The following TNR variants were observed in gnomAD, a reference collection of about 807,000 sequenced individuals.
TNR encodes tenascin-R.
TNR carries 45 observed loss-of-function variants against 150.4 expected under a neutral mutation model. That is an observed-to-expected ratio of 0.30 (90% CI 0.24 to 0.38). TNR has a LOEUF of 0.38. TNR is among the 10% of genes least tolerant of loss of function. TNR has a pLI of 1.00. For missense variants in TNR, 1,544 were observed against 1,759.1 expected (o/e 0.88, Z 2.19); for synonymous variants, 687 against 678.4 (o/e 1.01, Z -0.20).
At chr1:175,554,704 C>G (rs913356619) in intron 1 of TNR, among the ~76,000 whole-genome samples, 1 of 152,190 alleles carries the variant, frequency 6.6e-6, no homozygotes, top group East Asian at 1.9e-4. Flanking sequence ...ATTTCTCCAG[C>G]CCCCACCCCT....
intron 1 of TNR, among the ~76,000 whole-genome samples, chr1:175,733,092 C>A (rs1031100414): frequency 1.3e-5 from 2 of 152,186 alleles, no homozygotes; most frequent in African/African-American, 4.8e-5. Flanking sequence ...GAGTGAGATG[C>A]AAAACGTTAG....
At chr1:175,437,555 C>T (rs1015021759) in intron 2 of TNR, among the ~76,000 whole-genome samples, 1 of 151,996 alleles carries the variant, frequency 6.6e-6, no homozygotes. Flanking sequence ...AACAGAGACA[C>T]AAAAAACCCT....
intron 2 of TNR, among the ~76,000 whole-genome samples, chr1:175,444,035 TG>T (rs1190718784): frequency 6.6e-6 from 1 of 152,126 alleles, no homozygotes; most frequent in Non-Finnish European, 1.5e-5. Flanking sequence ...GCCATGGACT[TG>T]GGGGGTGGTC....
chr1:175,515,607 G>C (rs1659371889), intron 2 of TNR, among the ~76,000 whole-genome samples: 1 of 152,154 alleles, frequency 6.6e-6, no homozygotes, highest in South Asian at 2.1e-4. Flanking sequence ...AAGAGATGAG[G>C]CTGGAAAGAC....
chr1:175,432,044 G>A lies in TNR; in HGVS notation c.-63-25267C>T, dbSNP rs576543524. Among the ~76,000 whole-genome samples the A allele has an allele frequency of 3.3e-5, 5 of 151,980 alleles. No individual in the cohort carries two copies. In the East Asian group the frequency reaches 7.8e-4, roughly 24 times the overall value. On this transcript the variant is annotated intron_variant, in intron 2 of 22. Coordinates refer to ENST00000367674, the MANE Select transcript of TNR (RefSeq NM_003285.3). ...CAAGATATAAGAAGGCATCATGCGT[G>A]AGCCTCTGCCTGTGGGGAGGGGGCC... is the stretch of plus-strand genomic sequence containing the variant.
chr1:175,331,055 T>TTTCTTTCTTTCTTTCCTTC (rs1649793569), intron 20 of TNR, among the ~76,000 whole-genome samples: 2 of 117,256 alleles, frequency 1.7e-5, no homozygotes, highest in African/African-American at 6.6e-5. Flanking sequence ...CTTTCTTTCT[T>TTTCTTTCTTTCTTTCCTTC]TCTTTCTTTC....
chr1:175,522,390 T>A (rs1659672274), intron 2 of TNR, among the ~76,000 whole-genome samples: 1 of 152,166 alleles, frequency 6.6e-6, no homozygotes, highest in South Asian at 2.1e-4. Context: ...CAATGGACTT[T>A]GGACACTCAG....
At chr1:175,495,280 C>A (rs1190151983) in intron 2 of TNR, among the ~76,000 whole-genome samples, 3 of 152,176 alleles carry the variant, frequency 2.0e-5, no homozygotes, top group African/African-American at 7.2e-5. Flanking sequence ...GACAACACCT[C>A]ACAGATGTTG....
chr1:175,335,692 A>T lies in TNR; in HGVS notation c.3631+19T>A. Reference sequence around the variant, plus strand: ...AAGCCAGAGAAGCACATCAATGGAAAGCAATAAGGAGGCTTTACCCAGCCA... The same window carrying T: ...AAGCCAGAGAAGCACATCAATGGAATGCAATAAGGAGGCTTTACCCAGCCA... On this transcript the variant is annotated intron_variant, in intron 20 of 22. Coordinates refer to ENST00000367674, the MANE Select transcript of TNR (RefSeq NM_003285.3). The T allele has an allele frequency of 6.2e-7, 1 of 1,605,706 alleles. No individual in the cohort carries two copies. Among genetic ancestry groups the T allele is most frequent in the Non-Finnish European group, 8.5e-7 (1 of 1,176,074 alleles).
chr1:175,468,996 G>A (rs1349705274), intron 2 of TNR, among the ~76,000 whole-genome samples: 1 of 152,160 alleles, frequency 6.6e-6, no homozygotes, highest in African/African-American at 2.4e-5. Context: ...TATTTAGGAA[G>A]TAAAATGAGC....
In TNR at chr1:175,403,344, C is replaced by T; in HGVS notation, c.772G>A (p.Gly258Ser). ...GECVCEEPYT[G>S]EDCRELRCPG... ...CACCTCAGTTCCCTGCAGTCCTCGC[C>T]AGTGTAGGGCTCTTCACAGACACAC... The change falls in exon 4 of 23, where the codon GGC becomes AGC. Residue 258 changes from glycine to serine, a missense_variant. Physicochemically the swap from Gly to Ser is moderately conservative, Grantham distance 56. Around this residue, in one of 2 missense-constraint regions of TNR, gnomAD observed 1,254 missense variants for 1,329.4 expected, o/e 0.94. Transcript: ENST00000367674. The T allele has an allele frequency of 6.2e-7, 1 of 1,614,178 alleles. No homozygotes were observed. The highest frequency in any genetic ancestry group is 1.1e-5 in the South Asian group (1 of 91,076).
chr1:175,482,671 T>C (rs182687944), intron 2 of TNR, among the ~76,000 whole-genome samples: 4 of 152,260 alleles, frequency 2.6e-5, no homozygotes, highest in Admixed American at 1.3e-4. Context: ...TAATTATCAA[T>C]TGAGTATATT....
chr1:175,718,253 C>T (rs1004993030), intron 1 of TNR, among the ~76,000 whole-genome samples: 15 of 152,166 alleles, frequency 9.9e-5, no homozygotes, highest in Non-Finnish European at 4.4e-5. Flanking sequence ...CCCAGTCCTT[C>T]CCCAGCACCC....
chr1:175,555,241 G>A (rs1661106795), intron 1 of TNR, among the ~76,000 whole-genome samples: 1 of 152,078 alleles, frequency 6.6e-6, no homozygotes, highest in Non-Finnish European at 1.5e-5. Context: ...GATACATACA[G>A]AGGGGAAAAA....
In TNR at chr1:175,569,817, C is replaced by G. The variant is rs148928635; in HGVS notation, c.-164-41448G>C. On this transcript the variant is annotated intron_variant, in intron 1 of 22. Coordinates refer to ENST00000367674, the MANE Select transcript of TNR (RefSeq NM_003285.3). ...GATTCTTATCGGGCAGGCAGATTTA[C>G]AGGAGATAGACAATGAGACTCAGAA... is the stretch of plus-strand genomic sequence containing the variant. Among the ~76,000 whole-genome samples, 23 of 152,296 alleles carry G rather than the reference C, an allele frequency of 1.5e-4. 1 individual carries two copies. The East Asian group carries it at 4.2e-3, about 28-fold the overall frequency.
At chr1:175,610,425 G>A (rs1663556873) in intron 1 of TNR, among the ~76,000 whole-genome samples, 1 of 152,168 alleles carries the variant, frequency 6.6e-6, no homozygotes. Context: ...CTTCATTCCT[G>A]GCCAATTGAA....
At chr1:175,483,491 A>G (rs1045157659) in intron 2 of TNR, among the ~76,000 whole-genome samples, 1 of 152,200 alleles carries the variant, frequency 6.6e-6, no homozygotes, top group African/African-American at 2.4e-5. Flanking sequence ...GCACTTCAGT[A>G]TGGCTGGAAC....
chr1:175,713,489 G>A (rs1279646131), intron 1 of TNR, among the ~76,000 whole-genome samples: 1 of 152,068 alleles, frequency 6.6e-6, no homozygotes, highest in African/African-American at 2.4e-5. Flanking sequence ...ACAAGTAACA[G>A]CCTCCTGACT....
chr1:175,442,323 G>T (rs756944010), intron 2 of TNR, among the ~76,000 whole-genome samples: 4 of 152,116 alleles, frequency 2.6e-5, no homozygotes, highest in Admixed American at 1.3e-4. Context: ...CATCAGTTTG[G>T]CTCTGGATCA....
Sources: gnomAD v4.1 joint callset for allele counts (sites outside exome capture counted in the v4.1 genomes callset) on GRCh38, gnomAD v4.1.1 for gene constraint, gnomAD v4.1.1 regional missense constraint, MANE v1.5 for transcripts, NCBI Gene and HGNC (gene_info 2026-07-23, HGNC 2026-07-21) for gene names.